The following LPO variants were observed in gnomAD, a reference collection of about 807,000 sequenced individuals.
LPO encodes the protein lactoperoxidase.
Under a neutral mutation model 68.4 loss-of-function variants are expected in LPO, and 70 were observed. That is an observed-to-expected ratio of 1.02 (90% CI 0.84 to 1.25). The LOEUF (loss-of-function observed/expected upper bound fraction) is 1.25. LPO is among the 50% of genes most tolerant of loss of function. The pLI is 0.00. For synonymous variants in LPO, 360 were observed against 357.6 expected, an observed-to-expected ratio of 1.01 and a Z score of -0.08; for missense variants, 873 against 908.4, an observed-to-expected ratio of 0.96 and a Z score of 0.50.
intron 5 of LPO, 84 bp from the exon 6 acceptor site, chr17:58,249,482 G>A (rs1969915428): frequency 2.0e-6 from 3 of 1,523,800 alleles, no homozygotes; most frequent in South Asian, 2.5e-5. Context: ...GCCTCGAGCA[G>A]AGGCTCCTTC....
Position 58,259,175 on chromosome 17 carries a change from A to G in LPO, c.1266+4204A>G, listed in dbSNP as rs536329611. The stretch of plus-strand genomic sequence containing the variant: ...TTTTTCCTAGTCCTAGGTCCCAAAG[A>G]CTTTCTCCTGCTTTTTCCTTCTAGA... On this transcript the variant is annotated intron_variant, in intron 9 of 12. Coordinates refer to ENST00000262290, the MANE Select transcript of LPO (RefSeq NM_006151.3). 2.0e-5 allele frequency among the ~76,000 whole-genome samples: 3 copies of G among 152,226 alleles called. No individual in the cohort carries two copies. In the South Asian group the frequency reaches 6.2e-4, roughly 32 times the overall value.
intron 1 of LPO, 113 bp from the exon 2 acceptor site, chr17:58,242,865 G>A: frequency 2.5e-6 from 2 of 815,152 alleles, no homozygotes; most frequent in South Asian, 1.5e-5. Context: ...CTCCTTTCCT[G>A]TTCCAATATT....
chr17:58,266,196 C>G lies in LPO; in HGVS notation c.1563C>G (p.Ser521=). 6.2e-7 allele frequency: 1 copy of G among 1,614,072 alleles called. No homozygotes were observed. The highest frequency in any genetic ancestry group is 8.5e-7 in the Non-Finnish European group (1 of 1,180,004). ...PLVRGLLAKK[S]KLMKQNKMMT... Reference sequence around the variant, plus strand: ...TGCGGGGCCTGCTGGCCAAGAAATCCAAGCTGATGAAACAGAATAAAATGA... The same window carrying G: ...TGCGGGGCCTGCTGGCCAAGAAATCGAAGCTGATGAAACAGAATAAAATGA... The change falls in exon 11 of 13, where the codon TCC becomes TCG. Residue 521 remains serine, a synonymous_variant. Coordinates refer to ENST00000262290, the MANE Select transcript of LPO (RefSeq NM_006151.3).
chr17:58,261,236 A>T (rs1970169930), intron 9 of LPO, among the ~76,000 whole-genome samples: 1 of 152,134 alleles, frequency 6.6e-6, no homozygotes, highest in South Asian at 2.1e-4. Flanking sequence ...CCTAGCTATA[A>T]ATGAGAATTT....
chr17:58,254,726 G>C (rs1970036839), intron 8 of LPO, 85 bp from the exon 9 acceptor site: 1 of 1,446,444 alleles, frequency 6.9e-7, no homozygotes, highest in African/African-American at 1.4e-5. Flanking sequence ...GCGCGGTCCT[G>C]TGGGGCACCA....
Position 58,249,159 on chromosome 17 carries a change from C to A in LPO, c.425C>A (p.Thr142Lys). ...CCGTGCAGCCCTTACCGCACCATTA[C>A]GGGAGACTGCAATAACAGGTGGCGG... Reference protein sequence around the residue: ...CDPCSPYRTITGDCNNRRKPA... With the variant: ...CDPCSPYRTIKGDCNNRRKPA... The change falls in exon 5 of 13, where the codon ACG (threonine) becomes AAG (lysine). Residue 142 changes from threonine (T) to lysine (K), a missense_variant. Physicochemically the swap from Thr to Lys is moderately conservative, Grantham distance 78 (BLOSUM62 -1). Transcript: ENST00000262290. The A allele has an allele frequency of 6.2e-7, 1 of 1,614,068 alleles. No individual in the cohort carries two copies. Among genetic ancestry groups the A allele is most frequent in the Non-Finnish European group, 8.5e-7 (1 of 1,179,926 alleles).
intron 3 of LPO, 35 bp from the exon 4 acceptor site, chr17:58,247,443 G>A (rs779491385): frequency 6.2e-7 from 1 of 1,601,388 alleles, no homozygotes; most frequent in Admixed American, 1.7e-5. Context: ...TTCCTACAGG[G>A]TCCAGGCCAT....
At chr17:58,260,056 G>A (rs896640676) in intron 9 of LPO, among the ~76,000 whole-genome samples, 3 of 151,874 alleles carry the variant, frequency 2.0e-5, no homozygotes, top group Admixed American at 6.6e-5. Context: ...CTCGTGATCC[G>A]CCCACCTCAG....
rs572307301 is a variant in LPO, at chr17:58,255,331, G to A, written c.1266+360G>A. Among the ~76,000 whole-genome samples, 35 of 152,274 alleles carry A rather than the reference G, an allele frequency of 2.3e-4. 1 individual carries two copies. In the South Asian group the frequency reaches 6.8e-3, roughly 30 times the overall value. On this transcript the variant is annotated intron_variant, in intron 9 of 12. Coordinates refer to ENST00000262290, the MANE Select transcript of LPO (RefSeq NM_006151.3). ...GATTTGATTCTCTTCCTTTTTAATTGTCTACATCTACGCCCATCTCATGGG... is the reference window on the plus strand; with the variant it reads ...GATTTGATTCTCTTCCTTTTTAATTATCTACATCTACGCCCATCTCATGGG...
chr17:58,250,209 C>T (rs1397422096), intron 6 of LPO, among the ~76,000 whole-genome samples: 1 of 152,154 alleles, frequency 6.6e-6, no homozygotes, highest in Non-Finnish European at 1.5e-5. Context: ...CCCTTTGTAG[C>T]GGCAGGACCT....
At chr17:58,247,742 C>A in intron 4 of LPO, 104 bp downstream of exon 4, 1 of 1,257,992 alleles carries the variant, frequency 7.9e-7, no homozygotes. Context: ...GCTATCTACT[C>A]AGAGGAACAC....
intron 9 of LPO, among the ~76,000 whole-genome samples, chr17:58,257,296 C>T (rs1970091596): frequency 6.6e-6 from 1 of 152,116 alleles, no homozygotes. Context: ...CCCCTCATTA[C>T]CCTTCCAGGG....
At chr17:58,240,120 C>A (rs141540668) in intron 1 of LPO, among the ~76,000 whole-genome samples, 2 of 152,242 alleles carry the variant, frequency 1.3e-5, no homozygotes, top group East Asian at 3.9e-4. Context: ...TCTAACTTTT[C>A]CTGGAGAAAA....
intron 9 of LPO, among the ~76,000 whole-genome samples, chr17:58,260,898 A>G (rs1313587534): frequency 6.6e-6 from 1 of 152,146 alleles, no homozygotes; most frequent in African/African-American, 2.4e-5. Flanking sequence ...ACCTATGTAT[A>G]ATTTAGAAGA....
At chr17:58,252,527 G>T (rs1969981872) in intron 8 of LPO, 21 bp downstream of exon 8, 1 of 1,601,692 alleles carries the variant, frequency 6.2e-7, no homozygotes, top group South Asian at 1.1e-5. Flanking sequence ...CCTGGGAACA[G>T]AAGGGCCCAA....
At chr17:58,250,365 C>T (rs1366112646) in intron 6 of LPO, 50 bp from the exon 7 acceptor site, 3 of 1,463,500 alleles carry the variant, frequency 2.0e-6, no homozygotes, top group Non-Finnish European at 2.9e-6. Context: ...TCTGAATCCT[C>T]AAAGCACTTT....
Position 58,247,547 on chromosome 17 carries a change from AGGCC to A in LPO, c.237_240del (p.Thr81AlafsTer14), listed in dbSNP as rs758224071. ...TCTCAGAATACCTCAAGCATGCCAA[AGGCC>A]GGACGCGCACAGCCATCCGCAATGG... On this transcript the variant is annotated frameshift_variant, in exon 4 of 13. Coordinates refer to ENST00000262290, the MANE Select transcript of LPO (RefSeq NM_006151.3). LOFTEE classifies it high-confidence loss of function. 6.2e-7 allele frequency: 1 copy of A among 1,614,160 alleles called. No individual in the cohort carries two copies. Among genetic ancestry groups the A allele is most frequent in the Admixed American group, 1.7e-5 (1 of 60,018 alleles).
rs1220931993 is a variant in LPO, at chr17:58,247,548, G to C, written c.235G>C (p.Gly79Arg). The change falls in exon 4 of 13, where the codon GGC becomes CGC. Residue 79 changes from glycine to arginine, a missense_variant. Transcript: ENST00000262290. ...CTCAGAATACCTCAAGCATGCCAAA[G>C]GCCGGACGCGCACAGCCATCCGCAA... ...QLSEYLKHAK[G>R]RTRTAIRNGQ... 2.5e-6 allele frequency: 4 copies of C among 1,614,140 alleles called. No homozygotes were observed. The highest frequency in any genetic ancestry group is 2.2e-5 in the East Asian group (1 of 44,882).
At chr17:58,251,582 A>G (rs575236932) in intron 7 of LPO, 1 of 250,806 alleles carries the variant, frequency 4.0e-6, no homozygotes, top group Admixed American at 4.7e-5. Flanking sequence ...TCATTTCTTC[A>G]CTCAAAGAAT....
Sources: allele counts gnomAD v4.1 joint callset (sites outside exome capture counted in the v4.1 genomes callset), GRCh38; gene constraint gnomAD v4.1.1; transcripts MANE v1.5; gene names NCBI Gene and HGNC (gene_info 2026-07-23, HGNC 2026-07-21).